The following PRKAG2 variants were observed in gnomAD, a reference collection of about 807,000 sequenced individuals.
The protein encoded by PRKAG2 is protein kinase AMP-activated non-catalytic subunit gamma 2.
PRKAG2 carries 26 observed loss-of-function variants against 69.6 expected under a neutral mutation model. The ratio of observed to expected loss-of-function variants is 0.37; its 90% CI spans 0.27 to 0.52. The LOEUF is 0.52. PRKAG2 is among the 20% of genes least tolerant of loss of function. The probability of loss-of-function intolerance (pLI) is 0.90; values close to 1 mark genes in which losing one functional copy is unlikely to be tolerated. For synonymous variants in PRKAG2, 293 were observed against 285.0 expected (o/e 1.03, Z -0.28); for missense variants, 557 against 740.0 (o/e 0.75, Z 2.87).
intron 4 of PRKAG2, among the ~76,000 whole-genome samples, chr7:151,654,740 TG>T (rs1277320253): frequency 6.6e-6 from 1 of 152,248 alleles, no homozygotes; most frequent in Non-Finnish European, 1.5e-5. Flanking sequence ...TGGCCCAGGC[TG>T]GGGTGCAGTG....
chr7:151,757,978 G>A (rs756615211), intron 3 of PRKAG2, among the ~76,000 whole-genome samples: 6 of 152,204 alleles, frequency 3.9e-5, no homozygotes, highest in South Asian at 2.1e-4. Context: ...GAAGCCCTGC[G>A]GCTCCGCTTT....
rs1260348863 is a variant in PRKAG2, at chr7:151,800,289, C to T, written c.115-13748G>A. The stretch of plus-strand genomic sequence containing the variant: ...AGGAGAATGGCGTGAACCCGGGAGG[C>T]GGAGCTTGCAGTGAGCTGAGATCAC... On this transcript the variant is annotated intron_variant, in intron 1 of 15. Coordinates refer to ENST00000287878, the MANE Select transcript of PRKAG2 (RefSeq NM_016203.4). 4.0e-5 allele frequency among the ~76,000 whole-genome samples: 6 copies of T among 148,190 alleles called. No homozygotes were observed. In the East Asian group the frequency reaches 8.0e-4, roughly 20 times the overall value.
At position 151,583,747 on chromosome 7, in the gene PRKAG2, T is replaced by C. The variant is rs927067353; in HGVS notation, c.865-7295A>G. On this transcript the variant is annotated intron_variant, in intron 6 of 15. Coordinates refer to ENST00000287878, the MANE Select transcript of PRKAG2 (RefSeq NM_016203.4). The surrounding 1 kb of genome is among the most constrained non-coding windows in gnomAD (Gnocchi z 4.1). Reference sequence around the variant, plus strand: ...ACTGATACGCAATTTGCTCAAACTATGATTAATTTTAAAGTTTACATTTTA... The same window carrying C: ...ACTGATACGCAATTTGCTCAAACTACGATTAATTTTAAAGTTTACATTTTA... Among the ~76,000 whole-genome samples the C allele has an allele frequency of 6.6e-6, 1 of 152,234 alleles. No individual in the cohort carries two copies. The highest frequency in any genetic ancestry group is 2.4e-5 in the African/African-American group (1 of 41,462).
chr7:151,672,915 A>G (rs145282843), intron 4 of PRKAG2, among the ~76,000 whole-genome samples: 17 of 152,212 alleles, frequency 1.1e-4, no homozygotes, highest in Middle Eastern at 3.4e-3. Flanking sequence ...TGACCCCAGG[A>G]CACTCCCTCT....
At chr7:151,700,485 G>A in intron 3 of PRKAG2, among the ~76,000 whole-genome samples, 1 of 152,186 alleles carries the variant, frequency 6.6e-6, no homozygotes. Context: ...CCGAATTTTG[G>A]CAAGAATCAG....
chr7:151,619,065 T>C (rs939667021), intron 5 of PRKAG2, among the ~76,000 whole-genome samples: 3 of 152,172 alleles, frequency 2.0e-5, no homozygotes, highest in Non-Finnish European at 4.4e-5. Context: ...GCCCAATTAG[T>C]TCAAAGTGAG....
chr7:151,768,099 C>T (rs1227821358), intron 3 of PRKAG2, among the ~76,000 whole-genome samples: 5 of 152,172 alleles, frequency 3.3e-5, no homozygotes, highest in Non-Finnish European at 7.3e-5. Context: ...AAAGCATGTT[C>T]ACTTGGCTCA....
chr7:151,793,478 G>A (rs976566546), intron 1 of PRKAG2, among the ~76,000 whole-genome samples: 21 of 152,358 alleles, frequency 1.4e-4, no homozygotes, highest in Middle Eastern at 6.8e-3. Flanking sequence ...AGCACCAGGC[G>A]GGTTCTATCA....
intron 5 of PRKAG2, among the ~76,000 whole-genome samples, chr7:151,612,354 C>A (rs1487059165): frequency 6.6e-6 from 1 of 152,140 alleles, no homozygotes; most frequent in African/African-American, 2.4e-5. Flanking sequence ...AAGGTTTATG[C>A]CTTGCTAGAG....
intron 1 of PRKAG2, among the ~76,000 whole-genome samples, chr7:151,802,942 G>A (rs2077914527): frequency 1.6e-5 from 1 of 62,150 alleles, no homozygotes; most frequent in Admixed American, 1.6e-4. Flanking sequence ...ATATATATAA[G>A]CAATATGATA....
Position 151,770,080 on chromosome 7 carries a change from T to G in PRKAG2, c.466+11072A>C, listed in dbSNP as rs534416678. ...CCTTGCTAACCACCATTAGGCTTCC[T>G]TCCCCAAGGGTTAAATGGAAACCTG... On this transcript the variant is annotated intron_variant, in intron 3 of 15. Transcript: ENST00000287878. 7.9e-5 allele frequency among the ~76,000 whole-genome samples: 12 copies of G among 152,340 alleles called. No homozygotes were observed. The South Asian group carries it at 2.5e-3, about 32-fold the overall frequency.
At chr7:151,602,839 T>A (rs1816445546) in intron 5 of PRKAG2, among the ~76,000 whole-genome samples, 1 of 152,128 alleles carries the variant, frequency 6.6e-6, no homozygotes, top group African/African-American at 2.4e-5. Context: ...TCTGAGAGTT[T>A]TATAAGGCAG....
At chr7:151,582,495 G>T (rs941599427) in intron 6 of PRKAG2, among the ~76,000 whole-genome samples, 1 of 152,160 alleles carries the variant, frequency 6.6e-6, no homozygotes, top group Non-Finnish European at 1.5e-5. Flanking sequence ...TGAAGCAGCA[G>T]TTCAATGGCA....
chr7:151,627,383 T>C (rs1292575896), intron 5 of PRKAG2, among the ~76,000 whole-genome samples: 1 of 152,184 alleles, frequency 6.6e-6, no homozygotes, highest in Admixed American at 6.5e-5. Context: ...CCCAGCACTT[T>C]GGGAGGCCGA....
chr7:151,824,663 A>C (rs1390295167), intron 1 of PRKAG2, among the ~76,000 whole-genome samples: 1 of 152,174 alleles, frequency 6.6e-6, no homozygotes, highest in Non-Finnish European at 1.5e-5. Context: ...GCAAGCACCC[A>C]GACAGGAACT....
In PRKAG2 at chr7:151,748,582, C is replaced by T. The variant is rs573450789; in HGVS notation, c.466+32570G>A. The stretch of plus-strand genomic sequence containing the variant: ...TGGTTGAGGAGGGTGGGAACTACTG[C>T]TTTTCAATATAAATTGTTTTGGAAT... On this transcript the variant is annotated intron_variant, in intron 3 of 15. Coordinates refer to ENST00000287878, the MANE Select transcript of PRKAG2 (RefSeq NM_016203.4). Among the ~76,000 whole-genome samples the T allele has an allele frequency of 8.5e-5, 13 of 152,162 alleles. No homozygotes were observed. In the South Asian group the frequency reaches 2.5e-3, roughly 29 times the overall value.
intron 4 of PRKAG2, among the ~76,000 whole-genome samples, chr7:151,647,586 G>A (rs1404531008): frequency 2.6e-5 from 4 of 152,216 alleles, no homozygotes; most frequent in African/African-American, 9.6e-5. Flanking sequence ...AGGAAAGGTG[G>A]ACATTCGGGT....
chr7:151,827,745 T>TA (rs55685618), intron 1 of PRKAG2, among the ~76,000 whole-genome samples: 1,123 of 52,224 alleles, frequency 0.022, 89 homozygotes, highest in East Asian at 0.043. Flanking sequence ...TGGCCTTAGG[T>TA]AAAAAAAAAA....
chr7:151,661,946 C>A (rs1165370799), intron 4 of PRKAG2, among the ~76,000 whole-genome samples: 2 of 152,178 alleles, frequency 1.3e-5, no homozygotes, highest in East Asian at 3.8e-4. Flanking sequence ...AGGGGACAGT[C>A]CCGGTTCTGA....
Sources: gnomAD v4.1 joint callset for allele counts (sites outside exome capture counted in the v4.1 genomes callset) on GRCh38, gnomAD v4.1.1 for gene constraint, Gnocchi (gnomAD v3.1) non-coding constraint, MANE v1.5 for transcripts, NCBI Gene and HGNC (gene_info 2026-07-23, HGNC 2026-07-21) for gene names.